P3H4: variants seen among roughly 807,000 people sequenced by gnomAD.
P3H4 encodes the protein endoplasmic reticulum protein SC65.
P3H4 carries 47 observed loss-of-function variants against 52.9 expected under a neutral mutation model. That is an observed-to-expected ratio of 0.89 (90% CI 0.70 to 1.13). P3H4 has a LOEUF of 1.13. Ranked by LOEUF, P3H4 falls within the 50% of genes most tolerant of loss-of-function variation. The probability of loss-of-function intolerance (pLI) is 0.00; values close to 1 mark genes in which losing one functional copy is unlikely to be tolerated. For missense variants in P3H4, 585 were observed against 611.0 expected (o/e 0.96, Z 0.45); for synonymous variants, 256 against 267.9 (o/e 0.96, Z 0.44).
rs782187247 is a variant in P3H4 at position 41,811,107 on chromosome 17, G to A, written c.615+25C>T. ...CTCCTCTACTAGCCCTCCTCTACAA[G>A]CCTCCTCCTGACCCTCCACCCCACC... is the stretch of plus-strand genomic sequence containing the variant. On this transcript the variant is annotated intron_variant, in intron 2 of 7. Transcript: ENST00000393928. The surrounding 1 kb of genome is among the most constrained non-coding windows in gnomAD (Gnocchi z 4.8). 2.5e-6 allele frequency: 4 copies of A among 1,613,552 alleles called. No individual in the cohort carries two copies. Among genetic ancestry groups the A allele is most frequent in the Non-Finnish European group, 3.4e-6 (4 of 1,179,708 alleles).
At position 41,807,732 on chromosome 17, in the gene P3H4, T is replaced by G. The variant is rs2047688355; in HGVS notation, c.1062+127A>C. On this transcript the variant is annotated intron_variant, in intron 5 of 7. Transcript: ENST00000393928. ...CCAGGATGGTCCTGATCTCCTGACC[T>G]CGTGATCCACCCGCCTCAGCCTCCC... 12 of 1,202,386 alleles carry G rather than the reference T, an allele frequency of 1.0e-5. No homozygotes were observed. In the South Asian group the frequency reaches 1.8e-4, roughly 18 times the overall value. 74.5% of individuals were successfully genotyped at this position (1,202,386 alleles called of 1,614,324 possible). A position where few individuals can be genotyped will look rare whatever the true frequency, so the allele number is the denominator to read the frequency against.
At position 41,804,202 on chromosome 17, in the gene P3H4, T is replaced by C. The variant is rs1321506023; in HGVS notation, c.1147-771A>G. Among the ~76,000 whole-genome samples the C allele has an allele frequency of 4.6e-5, 7 of 151,814 alleles. 1 individual carries two copies. Among genetic ancestry groups the C allele is most frequent in the Admixed American group, 3.3e-4 (5 of 15,236 alleles). ...TTCTGACCTCGTGATCCGCCCGCCT[T>C]GGCCTCCCAAAGTGCTGGGATTACA... On this transcript the variant is annotated intron_variant, in intron 6 of 7. Coordinates refer to ENST00000393928, the MANE Select transcript of P3H4 (RefSeq NM_006455.3).
intron 4 of P3H4, among the ~76,000 whole-genome samples, chr17:41,808,685 A>G (rs531955238): frequency 6.6e-6 from 1 of 152,296 alleles, no homozygotes. Context: ...CACTGTGCCC[A>G]GCCATGCCTA....
rs141165789 is a variant in P3H4, at chr17:41,810,651, C to T, written c.787+212G>A. On this transcript the variant is annotated intron_variant, in intron 3 of 7. Transcript: ENST00000393928. The stretch of plus-strand genomic sequence containing the variant: ...GCCTATGAACCCAAGCTTCCCAAAC[C>T]CTTTAGGGATGTCACTGCCTCTACT... 1.2e-4 allele frequency: 71 copies of T among 579,326 alleles called. 1 individual carries two copies. The highest frequency in any genetic ancestry group is 2.2e-4 in the Admixed American group (7 of 31,406). 35.9% of individuals were successfully genotyped at this position (579,326 alleles called of 1,614,324 possible). A position where few individuals can be genotyped will look rare whatever the true frequency, so the allele number is the denominator to read the frequency against.
At position 41,807,182 on chromosome 17, in the gene P3H4, T is replaced by G. The variant is rs943630677; in HGVS notation, c.1063-303A>C. 6 of 427,782 alleles carry G rather than the reference T, an allele frequency of 1.4e-5. No homozygotes were observed. In the South Asian group the frequency reaches 1.6e-4, roughly 11 times the overall value. 26.5% of individuals were successfully genotyped at this position (427,782 alleles called of 1,614,324 possible). On this transcript the variant is annotated intron_variant, in intron 5 of 7. Coordinates refer to ENST00000393928, the MANE Select transcript of P3H4 (RefSeq NM_006455.3). ...TGGCCCTCAACTCCAACAGATTTCC[T>G]CCATTGGTTACCTAGGGTGTTCCTG... is the stretch of plus-strand genomic sequence containing the variant.
chr17:41,810,758 C>T (rs1443610124), intron 3 of P3H4, 105 bp downstream of exon 3: 3 of 1,388,068 alleles, frequency 2.2e-6, no homozygotes, highest in Non-Finnish European at 2.9e-6. Context: ...TTCCTCCCGG[C>T]TGGCTCCTCC....
intron 7 of P3H4, 108 bp downstream of exon 7, chr17:41,803,179 C>A: frequency 6.6e-7 from 1 of 1,503,966 alleles, no homozygotes; most frequent in Non-Finnish European, 8.9e-7. Context: ...AGGATGGGCC[C>A]CAGCACCCAC....
intron 4 of P3H4, 146 bp downstream of exon 4, chr17:41,809,560 T>C: frequency 2.1e-6 from 2 of 935,778 alleles, no homozygotes; most frequent in South Asian, 4.3e-5. Context: ...GCCTTCCCCA[T>C]ATTCCCACCA....
intron 6 of P3H4, among the ~76,000 whole-genome samples, chr17:41,803,952 CTTTT>C (rs58414096): frequency 2.9e-5 from 4 of 138,256 alleles, no homozygotes; most frequent in African/African-American, 5.3e-5. Flanking sequence ...CCATGACTTC[CTTTT>C]TTTTTTTTTT....
In P3H4 at chr17:41,811,859, C is replaced by G; in HGVS notation, c.57G>C (p.Gln19His). Reference protein sequence around the residue: ...LWLLLGSAGAQYEKYSFRGFP... With the variant: ...LWLLLGSAGAHYEKYSFRGFP... ...AGCCCCGGAAGCTGTACTTCTCGTA[C>G]TGCGCCCCGGCGCTGCCCAGCAGCA... Residue 19 changes from glutamine (Q) to histidine (H), a missense_variant, in exon 1 of 8, where the codon CAG (glutamine) becomes CAC (histidine). Gln to His is a conservative substitution (Grantham distance 24, BLOSUM62 0). Transcript: ENST00000393928. This position sits in a 1 kb window ranked among gnomAD's most constrained non-coding sequence, Gnocchi z 4.8. 6.5e-7 allele frequency: 1 copy of G among 1,544,406 alleles called. No individual in the cohort carries two copies. The highest frequency in any genetic ancestry group is 1.9e-5 in the Admixed American group (1 of 53,122).
At chr17:41,810,829 G>A (rs1366953560) in intron 3 of P3H4, 34 bp downstream of exon 3, 1 of 1,589,740 alleles carries the variant, frequency 6.3e-7, no homozygotes, top group Non-Finnish European at 8.6e-7. Context: ...CTGTGGGTGA[G>A]AGGACCGCCC....
Position 41,807,864 on chromosome 17 carries a change from G to A in P3H4, c.1057C>T (p.Arg353Trp), listed in dbSNP as rs915098787. 8.7e-6 allele frequency: 14 copies of A among 1,612,146 alleles called. No homozygotes were observed. The highest frequency in any genetic ancestry group is 1.6e-4 in the Middle Eastern group (1 of 6,076). ...WGLEEEDFQP[R>W]EEAMLYHNQT... The stretch of plus-strand genomic sequence containing the variant: ...CCCCAGAAAGCAGTGCCCACCTCCC[G>A]GGGCTGGAAGTCCTCCTCTTCCAGG... The change falls in exon 5 of 8, where the codon CGG (arginine) becomes TGG (tryptophan). Residue 353 changes from arginine to tryptophan, a missense_variant. Transcript: ENST00000393928.
rs782137328 is a variant in P3H4 at position 41,802,977 on chromosome 17, G to A, written c.1294C>T (p.Pro432Ser). 28 of 1,610,534 alleles carry A rather than the reference G, an allele frequency of 1.7e-5. 1 individual carries two copies. In the South Asian group the frequency reaches 3.1e-4, roughly 18 times the overall value. The change falls in exon 8 of 8, where the codon CCA (proline) becomes TCA (serine). Residue 432 changes from proline to serine, a missense_variant and splice_region_variant. Pro to Ser is a moderately conservative substitution (Grantham distance 74, BLOSUM62 -1). Coordinates refer to ENST00000393928, the MANE Select transcript of P3H4 (RefSeq NM_006455.3). ...CCTTCTCATGCGAGTTCAGGCTCTG[G>A]CTCTGAAAAGGAAAGGAGAAAGCAC... is the stretch of plus-strand genomic sequence containing the variant. ...DAKGDEAEAE[P>S]EPELA
At position 41,804,145 on chromosome 17, in the gene P3H4, G is replaced by C. The variant is rs2047648307; in HGVS notation, c.1147-714C>G. On this transcript the variant is annotated intron_variant, in intron 6 of 7. Coordinates refer to ENST00000393928, the MANE Select transcript of P3H4 (RefSeq NM_006455.3). ...TTTTTGCATTTTTAGTAGAGACCGG[G>C]TTTCACCGTGTTAGCCAGGATGGTC... 2.0e-5 allele frequency among the ~76,000 whole-genome samples: 3 copies of C among 151,870 alleles called. No individual in the cohort carries two copies. The South Asian group carries it at 6.2e-4, about 32-fold the overall frequency.
chr17:41,811,812 G>A lies in P3H4; in HGVS notation c.104C>T (p.Pro35Leu), dbSNP rs1555615274. ...FRGFPPEDLM[P>L]LAAAYGHALE... is the part of the protein sequence containing the mutation. Reference sequence around the variant, plus strand: ...AGCGTGCCCGTACGCCGCGGCCAGCGGCATCAGGTCCTCGGGCGGGAAGCC... The same window carrying A: ...AGCGTGCCCGTACGCCGCGGCCAGCAGCATCAGGTCCTCGGGCGGGAAGCC... Residue 35 changes from proline (P) to leucine (L), a missense_variant, in exon 1 of 8, where the codon CCG becomes CTG. Pro to Leu is a moderately conservative substitution (Grantham distance 98). Transcript: ENST00000393928. The surrounding 1 kb of genome is among the most constrained non-coding windows in gnomAD (Gnocchi z 4.8). 14 of 1,537,518 alleles carry A rather than the reference G, an allele frequency of 9.1e-6. No individual in the cohort carries two copies. The highest frequency in any genetic ancestry group is 2.6e-5 in the East Asian group (1 of 37,966).
Position 41,807,887 on chromosome 17 carries a change from A to C in P3H4, c.1034T>G (p.Leu345Arg). The C allele has an allele frequency of 6.2e-7, 1 of 1,613,908 alleles. No individual in the cohort carries two copies. The highest frequency in any genetic ancestry group is 8.5e-7 in the Non-Finnish European group (1 of 1,179,860). The change falls in exon 5 of 8, where the codon CTG (leucine) becomes CGG (arginine). Residue 345 changes from leucine to arginine, a missense_variant. Physicochemically the swap from Leu to Arg is moderately radical, Grantham distance 102. Transcript: ENST00000393928. ...YYRFHRARWG[L>R]EEEDFQPREE... is the part of the protein sequence containing the mutation. ...CCGGGGCTGGAAGTCCTCCTCTTCC[A>C]GGCCCCAGCGAGCCCGGTGGAACCG...
chr17:41,804,867 G>C (rs529837510), intron 6 of P3H4, among the ~76,000 whole-genome samples: 1 of 151,678 alleles, frequency 6.6e-6, no homozygotes, highest in Admixed American at 6.6e-5. Context: ...CCAGCTACTC[G>C]GAGGCTGAGA....
Position 41,809,781 on chromosome 17 carries a change from G to C in P3H4, c.841C>G (p.Pro281Ala), listed in dbSNP as rs782595857. ...CKVDCEANLT[P>A]NVGGYFVDKF... ...TCCACGAAGTAGCCACCCACATTGG[G>C]GGTCAAATTGGCCTCACAGTCCACC... The change falls in exon 4 of 8, where the codon CCC (proline) becomes GCC (alanine). Residue 281 changes from proline to alanine, a missense_variant. By Grantham distance (27) the Pro-to-Ala change is conservative. Transcript: ENST00000393928. 14 of 1,613,770 alleles carry C rather than the reference G, an allele frequency of 8.7e-6. No homozygotes were observed. The highest frequency in any genetic ancestry group is 9.3e-6 in the Non-Finnish European group (11 of 1,179,976).
Position 41,810,255 on chromosome 17 carries a change from C to T in P3H4, c.788-421G>A, listed in dbSNP as rs149529896. 3.2e-3 allele frequency among the ~76,000 whole-genome samples: 478 copies of T among 149,562 alleles called. 2 individuals are homozygous for T. Among genetic ancestry groups the T allele is most frequent in the Admixed American group, 6.8e-3 (101 of 14,866 alleles). ...GTGGCGCGATCTGGGCTCAATGCAACCTCCGCCTCCCAGGTTCAAGCGATT... is the reference window on the plus strand; with the variant it reads ...GTGGCGCGATCTGGGCTCAATGCAATCTCCGCCTCCCAGGTTCAAGCGATT... On this transcript the variant is annotated intron_variant, in intron 3 of 7. Coordinates refer to ENST00000393928, the MANE Select transcript of P3H4 (RefSeq NM_006455.3).
Sources: allele counts gnomAD v4.1 joint callset (sites outside exome capture counted in the v4.1 genomes callset), GRCh38; gene constraint gnomAD v4.1.1; non-coding constraint Gnocchi (gnomAD v3.1); transcripts MANE v1.5; gene names NCBI Gene and HGNC (gene_info 2026-07-23, HGNC 2026-07-21).